CDYL2: variants seen among roughly 807,000 people sequenced by gnomAD.
CDYL2 encodes chromodomain Y like 2, also known as chromodomain Y-like protein 2.
In CDYL2, 23 loss-of-function variants were observed where a neutral mutation model predicts 49.4. That is an observed-to-expected ratio of 0.47 (90% CI 0.34 to 0.66). The LOEUF (loss-of-function observed/expected upper bound fraction) is 0.66, where lower values mean the gene tolerates loss of function less well. Among genes scored for constraint, CDYL2 ranks in the 30% least tolerant of loss-of-function variants. The pLI, the probability that CDYL2 is intolerant of heterozygous loss-of-function variation, is 0.01. For synonymous variants in CDYL2, 360 were observed against 268.8 expected (o/e 1.34, Z -3.32); for missense variants, 678 against 656.4 (o/e 1.03, Z -0.36).
chr16:80,613,287 C>A (rs902271817), intron 4 of CDYL2, among the ~76,000 whole-genome samples: 2 of 152,108 alleles, frequency 1.3e-5, no homozygotes, highest in Admixed American at 1.3e-4. Flanking sequence ...CATCTCTGGC[C>A]AAAGGTGAAT....
intron 1 of CDYL2, among the ~76,000 whole-genome samples, chr16:80,781,588 T>A (rs1477676423): frequency 1.3e-5 from 2 of 152,132 alleles, no homozygotes; most frequent in Non-Finnish European, 2.9e-5. Context: ...CATACATTCT[T>A]CTCAGGTACA....
At chr16:80,683,482 T>C (rs905698418) in intron 2 of CDYL2, among the ~76,000 whole-genome samples, 1 of 152,242 alleles carries the variant, frequency 6.6e-6, no homozygotes, top group Non-Finnish European at 1.5e-5. Context: ...TAATTTTGCC[T>C]ACAGAGACTT....
At chr16:80,775,806 A>T (rs568288513) in intron 1 of CDYL2, among the ~76,000 whole-genome samples, 2 of 151,688 alleles carry the variant, frequency 1.3e-5, no homozygotes, top group Admixed American at 6.6e-5. Context: ...TTTACTTGAT[A>T]TAGTACTTAA....
chr16:80,735,781 A>C (rs568025012), intron 1 of CDYL2, among the ~76,000 whole-genome samples: 16 of 152,272 alleles, frequency 1.1e-4, no homozygotes, highest in African/African-American at 3.8e-4. Context: ...CACCCCTTCC[A>C]TTTGCATTGC....
intron 1 of CDYL2, among the ~76,000 whole-genome samples, chr16:80,784,992 A>C (rs925719843): frequency 3.3e-5 from 5 of 152,174 alleles, no homozygotes; most frequent in African/African-American, 9.7e-5. Flanking sequence ...AAGAGTCAGT[A>C]AGTTTGGTAC....
intron 1 of CDYL2, among the ~76,000 whole-genome samples, chr16:80,727,767 G>C (rs1381861173): frequency 1.3e-5 from 2 of 152,222 alleles, no homozygotes; most frequent in African/African-American, 4.8e-5. Context: ...TGGGCAGACT[G>C]CCTCCTCAAG....
intron 1 of CDYL2, among the ~76,000 whole-genome samples, chr16:80,733,987 G>C (rs1905424842): frequency 6.6e-6 from 1 of 152,146 alleles, no homozygotes; most frequent in African/African-American, 2.4e-5. Context: ...AAATTATTCT[G>C]AATGGGAAAC....
chr16:80,779,383 A>G (rs2142403172), intron 1 of CDYL2, among the ~76,000 whole-genome samples: 1 of 152,216 alleles, frequency 6.6e-6, no homozygotes, highest in South Asian at 2.1e-4. Context: ...TGAGAGCCTC[A>G]TGAAATAAAC....
At chr16:80,685,710 A>T (rs1910162650) in intron 1 of CDYL2, among the ~76,000 whole-genome samples, 1 of 152,178 alleles carries the variant, frequency 6.6e-6, no homozygotes, top group African/African-American at 2.4e-5. Flanking sequence ...AATGAAGTAA[A>T]TATTTTTCTA....
At chr16:80,729,916 A>G (rs1905272933) in intron 1 of CDYL2, among the ~76,000 whole-genome samples, 1 of 152,264 alleles carries the variant, frequency 6.6e-6, no homozygotes, top group African/African-American at 2.4e-5. Context: ...GAACAAAGAC[A>G]CAACATACCA....
intron 6 of CDYL2, among the ~76,000 whole-genome samples, 177 bp from the exon 7 acceptor site, chr16:80,604,723 A>C (rs1310987466): frequency 2.6e-5 from 4 of 152,142 alleles, no homozygotes; most frequent in African/African-American, 9.7e-5. Flanking sequence ...TGGATCCCAG[A>C]TGTGTCAAGA....
intron 2 of CDYL2, among the ~76,000 whole-genome samples, chr16:80,633,816 C>A (rs1907687115): frequency 1.3e-5 from 2 of 152,204 alleles, no homozygotes; most frequent in Non-Finnish European, 2.9e-5. Flanking sequence ...AAATCAATTA[C>A]AATGGCTTTG....
intron 1 of CDYL2, among the ~76,000 whole-genome samples, chr16:80,776,417 T>C (rs528500218): frequency 1.3e-5 from 2 of 151,980 alleles, no homozygotes; most frequent in South Asian, 2.1e-4. Flanking sequence ...GGCACGGATA[T>C]ACTAGGAAGG....
chr16:80,649,939 T>G (rs1319371267), intron 2 of CDYL2, among the ~76,000 whole-genome samples: 2 of 152,008 alleles, frequency 1.3e-5, no homozygotes, highest in Non-Finnish European at 2.9e-5. Context: ...TAGGCCCCTA[T>G]CCTATCTCCT....
intron 1 of CDYL2, among the ~76,000 whole-genome samples, chr16:80,722,231 A>C (rs1466257661): frequency 6.6e-6 from 1 of 152,240 alleles, no homozygotes; most frequent in Non-Finnish European, 1.5e-5. Flanking sequence ...TGAATAAATA[A>C]GTGAATGAAA....
intron 6 of CDYL2, among the ~76,000 whole-genome samples, chr16:80,604,959 G>A (rs1352940587): frequency 6.6e-6 from 1 of 152,164 alleles, no homozygotes; most frequent in Non-Finnish European, 1.5e-5. Context: ...TGAAATGAAC[G>A]AATGGTTGTC....
At chr16:80,676,961 GTATTT>G (rs1909770380) in intron 2 of CDYL2, among the ~76,000 whole-genome samples, 1 of 110,562 alleles carries the variant, frequency 9.0e-6, no homozygotes. Context: ...CCAATTCAAT[GTATTT>G]TTTTTTTTTT....
At chr16:80,748,162 AATAAT>A (rs1905999350) in intron 1 of CDYL2, among the ~76,000 whole-genome samples, 5 of 145,784 alleles carry the variant, frequency 3.4e-5, no homozygotes, top group Non-Finnish European at 6.0e-5. Context: ...TAATAATAAT[AATAAT>A]ATAAAGAAAA....
At position 80,733,357 on chromosome 16, in the gene CDYL2, G is replaced by A. The variant is rs548687902; in HGVS notation, c.25-48228C>T. On this transcript the variant is annotated intron_variant, in intron 1 of 6. Transcript: ENST00000570137. ...AGTTGGAAATCATTTTATATATCTT[G>A]TAGAAGCACTGTGAATAGTTTCATC... 2.6e-5 allele frequency among the ~76,000 whole-genome samples: 4 copies of A among 152,328 alleles called. No homozygotes were observed. The East Asian group carries it at 5.8e-4, about 22-fold the overall frequency.
Sources: gnomAD v4.1 joint callset for allele counts (sites outside exome capture counted in the v4.1 genomes callset) on GRCh38, gnomAD v4.1.1 for gene constraint, MANE v1.5 for transcripts, NCBI Gene and HGNC (gene_info 2026-07-23, HGNC 2026-07-21) for gene names.